Variants in PLEKHF2 observed in about 807,000 individuals in gnomAD.
The protein encoded by PLEKHF2 is pleckstrin homology and FYVE domain containing 2.
PLEKHF2 carries 4 observed loss-of-function variants against 14.7 expected under a neutral mutation model. The observed-to-expected ratio is 0.27, with a 90% confidence interval of 0.13 to 0.62. The LOEUF (loss-of-function observed/expected upper bound fraction) is 0.62. PLEKHF2 is among the 20% of genes least tolerant of loss of function. The pLI is 0.85. For missense variants in PLEKHF2, 201 were observed against 307.7 expected, an observed-to-expected ratio of 0.65 and a Z score of 2.60; for synonymous variants, 90 against 103.5, an observed-to-expected ratio of 0.87 and a Z score of 0.79.
chr8:95,144,524 T>C (rs1196716167), intron 1 of PLEKHF2, among the ~76,000 whole-genome samples: 1 of 152,176 alleles, frequency 6.6e-6, no homozygotes, highest in African/African-American at 2.4e-5. Flanking sequence ...AAAAAATATT[T>C]CTGTCATATT....
At chr8:95,146,746 G>C (rs1810504658) in intron 1 of PLEKHF2, among the ~76,000 whole-genome samples, 1 of 151,836 alleles carries the variant, frequency 6.6e-6, no homozygotes, top group East Asian at 1.9e-4. Context: ...ATATGCTTCT[G>C]CTCTAATTTT....
intron 1 of PLEKHF2, among the ~76,000 whole-genome samples, chr8:95,149,391 T>G (rs1184378750): frequency 6.6e-6 from 1 of 152,152 alleles, no homozygotes; most frequent in Non-Finnish European, 1.5e-5. Context: ...TTTATGGGCT[T>G]TCTCTTCCAC....
chr8:95,141,414 C>A (rs144459796), intron 1 of PLEKHF2, among the ~76,000 whole-genome samples: 1 of 152,328 alleles, frequency 6.6e-6, no homozygotes, highest in African/African-American at 2.4e-5. Flanking sequence ...CAGGCCACTC[C>A]TTCCAAAAGT....
chr8:95,153,982 A>G, intron 1 of PLEKHF2, 49 bp from the exon 2 acceptor site: 1 of 1,310,160 alleles, frequency 7.6e-7, no homozygotes, highest in Non-Finnish European at 1.0e-6. Context: ...ATTAACTTAT[A>G]GGAATTTATA....
chr8:95,149,200 G>T (rs1353301416), intron 1 of PLEKHF2, among the ~76,000 whole-genome samples: 2 of 151,974 alleles, frequency 1.3e-5, no homozygotes, highest in Non-Finnish European at 2.9e-5. Context: ...CCTATCTTAG[G>T]ACCTTTGCTT....
At chr8:95,153,957 C>A in intron 1 of PLEKHF2, 74 bp from the exon 2 acceptor site, 3 of 1,151,046 alleles carry the variant, frequency 2.6e-6, no homozygotes, top group African/African-American at 1.6e-5. Context: ...GATTTGTTAG[C>A]TTAATTTATA....
Position 95,133,887 on chromosome 8 carries a change from G to C in PLEKHF2, c.-158G>C, listed in dbSNP as rs1810345956. On this transcript the variant is annotated 5_prime_UTR_variant, in exon 1 of 2. Transcript: ENST00000315367. Reference sequence around the variant, plus strand: ...CCAGCCCGCCCACCGCGTCTGGATCGCGCCGGCTGCGCGGGGCTGCGGACA... The same window carrying C: ...CCAGCCCGCCCACCGCGTCTGGATCCCGCCGGCTGCGCGGGGCTGCGGACA... The C allele has an allele frequency of 6.6e-6, 1 of 152,296 alleles. No individual in the cohort carries two copies. The highest frequency in any genetic ancestry group is 6.5e-5 in the Admixed American group (1 of 15,280). 9.4% of individuals were successfully genotyped at this position (152,296 alleles called of 1,614,324 possible).
intron 1 of PLEKHF2, among the ~76,000 whole-genome samples, chr8:95,135,584 G>A (rs1226507711): frequency 6.6e-6 from 1 of 152,152 alleles, no homozygotes; most frequent in Non-Finnish European, 1.5e-5. Context: ...TTTGAATTTT[G>A]TGGAGAGAAG....
chr8:95,136,911 A>G (rs577519931), intron 1 of PLEKHF2, among the ~76,000 whole-genome samples: 1 of 152,220 alleles, frequency 6.6e-6, no homozygotes, highest in Non-Finnish European at 1.5e-5. Flanking sequence ...TATAATGCCT[A>G]TAGAATTCGG....
intron 1 of PLEKHF2, among the ~76,000 whole-genome samples, chr8:95,140,485 G>A (rs1810428513): frequency 6.6e-6 from 1 of 152,154 alleles, no homozygotes; most frequent in Admixed American, 6.5e-5. Context: ...GTGTAATAAA[G>A]TGTAAACTCT....
At chr8:95,153,981 T>C (rs1398623418) in intron 1 of PLEKHF2, 50 bp from the exon 2 acceptor site, 5 of 1,308,058 alleles carry the variant, frequency 3.8e-6, no homozygotes, top group Admixed American at 5.3e-5. Flanking sequence ...AATTAACTTA[T>C]AGGAATTTAT....
Position 95,154,800 on chromosome 8 carries a change from C to T in PLEKHF2, c.*6C>T. 1.2e-6 allele frequency: 2 copies of T among 1,611,046 alleles called. No individual in the cohort carries two copies. Among genetic ancestry groups the T allele is most frequent in the Admixed American group, 1.7e-5 (1 of 59,944 alleles). On this transcript the variant is annotated 3_prime_UTR_variant, in exon 2 of 2. Transcript: ENST00000315367. The surrounding 1 kb of genome is among the most constrained non-coding windows in gnomAD (Gnocchi z 5.6). ...ATGATGATAGCAGTGACTAAGGACA[C>T]ATTTGGGAGTATTTAATCAGGTGTG... is the stretch of plus-strand genomic sequence containing the variant.
chr8:95,135,739 A>G (rs78219704), intron 1 of PLEKHF2, among the ~76,000 whole-genome samples: 12,099 of 152,224 alleles, frequency 0.079, 656 homozygotes, highest in African/African-American at 0.14. Context: ...TAGCAGCCAA[A>G]CTGGTATTTA....
intron 1 of PLEKHF2, among the ~76,000 whole-genome samples, chr8:95,135,186 A>G (rs1187811654): frequency 6.6e-6 from 1 of 152,208 alleles, no homozygotes; most frequent in Non-Finnish European, 1.5e-5. Context: ...TAAGCTTCAG[A>G]AGAAAATATT....
intron 1 of PLEKHF2, among the ~76,000 whole-genome samples, chr8:95,146,351 A>G (rs938690745): frequency 1.3e-5 from 2 of 152,170 alleles, no homozygotes; most frequent in Non-Finnish European, 2.9e-5. Flanking sequence ...CACTGGTAAC[A>G]GATATCATGG....
In PLEKHF2 at chr8:95,156,170, A is replaced by G. The variant is rs1218628319; in HGVS notation, c.*1376A>G. On this transcript the variant is annotated 3_prime_UTR_variant, in exon 2 of 2. Coordinates refer to ENST00000315367, the MANE Select transcript of PLEKHF2 (RefSeq NM_024613.4). ...TACTCTTTCCATTTATATGCTGCAAACAACTACAGTCTTTGAAATATGGAA... is the reference window on the plus strand; with the variant it reads ...TACTCTTTCCATTTATATGCTGCAAGCAACTACAGTCTTTGAAATATGGAA... 1 of 167,072 alleles carries G rather than the reference A, an allele frequency of 6.0e-6. No individual in the cohort carries two copies. Among genetic ancestry groups the G allele is most frequent in the Non-Finnish European group, 1.5e-5 (1 of 68,092 alleles). The allele number at this position is 167,072 out of a possible 1,614,324, so 10.3% of individuals were successfully genotyped here. A position where few individuals can be genotyped will look rare whatever the true frequency, so the allele number is the denominator to read the frequency against.
intron 1 of PLEKHF2, among the ~76,000 whole-genome samples, chr8:95,135,034 TG>T (rs767795764): frequency 6.6e-6 from 1 of 152,194 alleles, no homozygotes; most frequent in Non-Finnish European, 1.5e-5. Flanking sequence ...TGGCAGCTCG[TG>T]GGGTCTTCAC....
In PLEKHF2 at chr8:95,154,284, T is replaced by G; in HGVS notation, c.240T>G (p.Ile80Met). 6.2e-7 allele frequency: 1 copy of G among 1,613,978 alleles called. No homozygotes were observed. Among genetic ancestry groups the G allele is most frequent in the South Asian group, 1.1e-5 (1 of 91,086 alleles). ...AAAAATATAACAAACAACATATTAT[T>G]CCCCTGGAAAATGTCACTATTGATT... ...QKKKYNKQHI[I>M]PLENVTIDSI... The change falls in exon 2 of 2, where the codon ATT becomes ATG. Residue 80 changes from isoleucine to methionine, a missense_variant. By Grantham distance (10) the Ile-to-Met change is conservative (BLOSUM62 1). Transcript: ENST00000315367. The surrounding 1 kb of genome is among the most constrained non-coding windows in gnomAD (Gnocchi z 5.6).
At chr8:95,152,320 G>A (rs1185771868) in intron 1 of PLEKHF2, among the ~76,000 whole-genome samples, 1 of 151,984 alleles carries the variant, frequency 6.6e-6, no homozygotes, top group African/African-American at 2.4e-5. Context: ...GATTATCCTT[G>A]TATATATCTC....
Sources: allele counts gnomAD v4.1 joint callset (sites outside exome capture counted in the v4.1 genomes callset), GRCh38; gene constraint gnomAD v4.1.1; non-coding constraint Gnocchi (gnomAD v3.1); transcripts MANE v1.5; gene names NCBI Gene and HGNC (gene_info 2026-07-23, HGNC 2026-07-21).